TRPM7: variants seen among roughly 807,000 people sequenced by gnomAD.
TRPM7 encodes transient receptor potential cation channel subfamily M member 7, also known as LTRPC ion channel family member 7.
In TRPM7, 134 loss-of-function variants were observed where a neutral mutation model predicts 229.7. That is an observed-to-expected ratio of 0.58 (90% confidence interval 0.51 to 0.67). The LOEUF is 0.67. Ranked by LOEUF, TRPM7 falls within the 30% of genes least tolerant of loss-of-function variation. The pLI is 0.00. For missense variants in TRPM7, 1,901 were observed against 2,210.0 expected (o/e 0.86, Z 2.80); for synonymous variants, 699 against 715.2 (o/e 0.98, Z 0.36).
chr15:50,573,685 G>C (rs2053999570), intron 36 of TRPM7, among the ~76,000 whole-genome samples: 1 of 152,172 alleles, frequency 6.6e-6, no homozygotes, highest in South Asian at 2.1e-4. Context: ...TTATACTTTT[G>C]AAATACTAGA....
intron 13 of TRPM7, among the ~76,000 whole-genome samples, chr15:50,619,237 T>C (rs2060319520): frequency 6.6e-6 from 1 of 151,414 alleles, no homozygotes; most frequent in Non-Finnish European, 1.5e-5. Flanking sequence ...TTTTTTTTTT[T>C]TGAGACAGAG....
At chr15:50,662,666 A>G (rs2061757963) in intron 2 of TRPM7, among the ~76,000 whole-genome samples, 1 of 147,898 alleles carries the variant, frequency 6.8e-6, no homozygotes, top group African/African-American at 2.7e-5. Context: ...AAAAAATAAG[A>G]GAGTCTTAAC....
In TRPM7 at chr15:50,679,510, TAATATATATATATATATATATATATATA is replaced by T. The variant is rs1567129155; in HGVS notation, c.3+6993_3+7020del. ...TATATTATATATATGTGTATATATA[TAATATATATATATATATATATATATATA>T]TTTTTTTTTTTTTTTGAGACAGAGT... On this transcript the variant is annotated intron_variant, in intron 1 of 38. Transcript: ENST00000646667. 8.3e-5 allele frequency among the ~76,000 whole-genome samples: 9 copies of T among 108,976 alleles called. No individual in the cohort carries two copies. The East Asian group carries it at 2.0e-3, about 24-fold the overall frequency. The allele number at this position is 108,976 out of a possible 152,430, so 71.5% of individuals were successfully genotyped here. A position where few individuals can be genotyped will look rare whatever the true frequency, so the allele number is the denominator to read the frequency against.
intron 36 of TRPM7, among the ~76,000 whole-genome samples, chr15:50,571,319 G>A (rs3131577): frequency 0.36 from 55,400 of 152,046 alleles, 10,977 homozygotes; most frequent in Admixed American, 0.48. Context: ...TCTGGCAGTT[G>A]TTATTAAAAT....
At chr15:50,678,075 T>TA (rs71127112) in intron 1 of TRPM7, among the ~76,000 whole-genome samples, 20,777 of 150,580 alleles carry the variant, frequency 0.14, 1,471 homozygotes, top group Middle Eastern at 0.2. Context: ...ACGTCTCTAC[T>TA]AAAAAAATAC....
chr15:50,654,229 T>C (rs1007554943), intron 3 of TRPM7, among the ~76,000 whole-genome samples: 2 of 144,110 alleles, frequency 1.4e-5, no homozygotes, highest in Admixed American at 6.8e-5. Context: ...GCGGATCACC[T>C]GAGGTCAGGA....
At chr15:50,606,379 AAAACAAACAAAC>A (rs373781520) in intron 20 of TRPM7, among the ~76,000 whole-genome samples, 8 of 151,860 alleles carry the variant, frequency 5.3e-5, no homozygotes, top group Non-Finnish European at 4.4e-5. Flanking sequence ...ACTACGTCTC[AAAACAAACAAAC>A]AAACAAACAA....
At chr15:50,681,477 CTAAT>C (rs1471247859) in intron 1 of TRPM7, among the ~76,000 whole-genome samples, 8 of 152,140 alleles carry the variant, frequency 5.3e-5, no homozygotes, top group Non-Finnish European at 1.0e-4. Context: ...TCTTTCTAGT[CTAAT>C]TATGTTTCTC....
At chr15:50,660,737 G>A (rs1274346505) in intron 2 of TRPM7, among the ~76,000 whole-genome samples, 2 of 152,118 alleles carry the variant, frequency 1.3e-5, no homozygotes, top group African/African-American at 4.8e-5. Context: ...CAGTAAAGGA[G>A]ACAATCTCAT....
chr15:50,592,711 A>G, intron 25 of TRPM7, 85 bp from the exon 26 acceptor site: 1 of 988,940 alleles, frequency 1.0e-6, no homozygotes, highest in Admixed American at 2.7e-5. Flanking sequence ...TAATGATAAA[A>G]AGAGAAAAAT....
intron 21 of TRPM7, among the ~76,000 whole-genome samples, chr15:50,601,229 T>G (rs1187204493): frequency 1.3e-5 from 2 of 152,238 alleles, no homozygotes; most frequent in Non-Finnish European, 2.9e-5. Context: ...ATAGTCATCT[T>G]TGCATTTCAC....
chr15:50,619,177 C>A lies in TRPM7; in HGVS notation c.1494+568G>T, dbSNP rs1461346479. On this transcript the variant is annotated intron_variant, in intron 13 of 38. Coordinates refer to ENST00000646667, the MANE Select transcript of TRPM7 (RefSeq NM_017672.6). ...CTTTTATGAACCAATGAGCTTTATA[C>A]ATCATATTCTATCTTGGATGACCAG... 5.9e-5 allele frequency among the ~76,000 whole-genome samples: 9 copies of A among 151,456 alleles called. 1 individual carries two copies. Among genetic ancestry groups the A allele is most frequent in the African/African-American group, 1.5e-4 (6 of 41,238 alleles).
At chr15:50,656,255 G>T (rs1487749022) in intron 3 of TRPM7, among the ~76,000 whole-genome samples, 1 of 152,066 alleles carries the variant, frequency 6.6e-6, no homozygotes, top group Non-Finnish European at 1.5e-5. Flanking sequence ...AAGGACTGGA[G>T]ATGGTTAAGT....
chr15:50,605,174 G>A (rs773683787), intron 20 of TRPM7, 30 bp from the exon 21 acceptor site: 17 of 1,535,538 alleles, frequency 1.1e-5, no homozygotes, highest in Non-Finnish European at 1.5e-5. Context: ...AAAAAAAAGT[G>A]TAATCAGTTT....
chr15:50,563,928 C>T (rs1024007964), intron 38 of TRPM7, among the ~76,000 whole-genome samples: 2 of 152,042 alleles, frequency 1.3e-5, no homozygotes, highest in African/African-American at 2.4e-5. Context: ...GGCACGATCT[C>T]GGCTCACTGA....
At position 50,592,208 on chromosome 15, in the gene TRPM7, A is replaced by G. The variant is rs774105102; in HGVS notation, c.4027T>C (p.Phe1343Leu). 5.0e-6 allele frequency: 8 copies of G among 1,614,068 alleles called. No homozygotes were observed. The highest frequency in any genetic ancestry group is 4.0e-5 in the African/African-American group (3 of 74,938). Residue 1343 changes from phenylalanine (F) to leucine (L), a missense_variant, in exon 26 of 39, where the codon TTT (phenylalanine) becomes CTT (leucine). By Grantham distance (22) the Phe-to-Leu change is conservative. Coordinates refer to ENST00000646667, the MANE Select transcript of TRPM7 (RefSeq NM_017672.6). ...GAGGAACCAGCCTCTGGAAAATTAA[A>G]TTCTTTTCTCTGGGGTACTGCAGGT... The part of the protein sequence containing the change: ...DLPAVPQRKE[F>L]NFPEAGSSSG...
chr15:50,614,039 C>T (rs1387938771), intron 14 of TRPM7, 84 bp downstream of exon 14: 13 of 1,395,004 alleles, frequency 9.3e-6, no homozygotes, highest in South Asian at 8.5e-5. Flanking sequence ...TAACCTTCTC[C>T]GTTCTAATGT....
chr15:50,597,836 TTGAACC>T (rs1028837067), intron 22 of TRPM7, among the ~76,000 whole-genome samples: 1 of 151,978 alleles, frequency 6.6e-6, no homozygotes, highest in Non-Finnish European at 1.5e-5. Context: ...TGGGAATCAC[TTGAACC>T]TGGAAGACAG....
At chr15:50,591,782 G>T in intron 26 of TRPM7, 129 bp downstream of exon 26, 1 of 710,310 alleles carries the variant, frequency 1.4e-6, no homozygotes, top group Non-Finnish European at 2.1e-6. Context: ...ACAGGTGTCT[G>T]ATTCTTTTTA....
Sources: allele counts gnomAD v4.1 joint callset (sites outside exome capture counted in the v4.1 genomes callset), GRCh38; gene constraint gnomAD v4.1.1; transcripts MANE v1.5; gene names NCBI Gene and HGNC (gene_info 2026-07-23, HGNC 2026-07-21).